Variants in ARHGAP18 observed in about 807,000 individuals in gnomAD.
ARHGAP18 encodes the protein rho GTPase-activating protein 18.
ARHGAP18 carries 67 observed loss-of-function variants against 86.2 expected under a neutral mutation model. The observed-to-expected ratio is 0.78, with a 90% CI of 0.64 to 0.95. The LOEUF is 0.95. ARHGAP18 is among the 40% of genes least tolerant of loss of function. The probability of loss-of-function intolerance (pLI) is 0.00; values close to 1 mark genes in which losing one functional copy is unlikely to be tolerated. For missense variants in ARHGAP18, 691 were observed against 780.4 expected (o/e 0.89, Z 1.37); for synonymous variants, 283 against 280.4 (o/e 1.01, Z -0.09).
chr6:129,643,290 G>T (rs1773507551), intron 1 of ARHGAP18, among the ~76,000 whole-genome samples: 1 of 152,080 alleles, frequency 6.6e-6, no homozygotes, highest in Non-Finnish European at 1.5e-5. Flanking sequence ...GTCCTGGGGG[G>T]ACCCAACAGG....
At chr6:129,697,916 C>A (rs1003624481) in intron 1 of ARHGAP18, among the ~76,000 whole-genome samples, 2 of 152,190 alleles carry the variant, frequency 1.3e-5, no homozygotes, top group Non-Finnish European at 2.9e-5. Context: ...CACTTAGTAA[C>A]CTTAGTAAAA....
In ARHGAP18 at chr6:129,616,268, A is replaced by T; in HGVS notation, c.988T>A (p.Leu330Ile). ...GGTACTTTCCTCTGATCTTGTTCTA[A>T]TAGCGCTGTCAATGGAACGCAAAAA... ...GLFCVPLTAL[L>I]EQDQRKVPGM... is the part of the protein sequence containing the mutation. The change falls in exon 7 of 15, where the codon TTA (leucine) becomes ATA (isoleucine). Residue 330 changes from leucine (L) to isoleucine (I), a missense_variant. Physicochemically the swap from Leu to Ile is conservative, Grantham distance 5 (BLOSUM62 2). Coordinates refer to ENST00000368149, the MANE Select transcript of ARHGAP18 (RefSeq NM_033515.3). The T allele has an allele frequency of 6.2e-7, 1 of 1,611,188 alleles. No homozygotes were observed. The highest frequency in any genetic ancestry group is 1.1e-5 in the South Asian group (1 of 90,294).
intron 13 of ARHGAP18, among the ~76,000 whole-genome samples, chr6:129,582,110 C>T (rs554684882): frequency 3.1e-4 from 47 of 150,742 alleles, no homozygotes; most frequent in Admixed American, 9.9e-4. Context: ...GAGAAGTTTA[C>T]CAGACTTCCA....
chr6:129,592,057 C>A (rs1322855157), intron 12 of ARHGAP18, among the ~76,000 whole-genome samples: 2 of 151,964 alleles, frequency 1.3e-5, no homozygotes, highest in African/African-American at 4.8e-5. Context: ...AAATAACTTC[C>A]ATAGTTAATA....
intron 1 of ARHGAP18, among the ~76,000 whole-genome samples, chr6:129,705,430 A>G (rs933461166): frequency 2.0e-5 from 3 of 152,180 alleles, no homozygotes; most frequent in African/African-American, 4.8e-5. Context: ...GCAGACCTCA[A>G]TGCCCATCAA....
At chr6:129,697,529 A>G (rs1302164052) in intron 1 of ARHGAP18, among the ~76,000 whole-genome samples, 1 of 152,002 alleles carries the variant, frequency 6.6e-6, no homozygotes, top group Non-Finnish European at 1.5e-5. Flanking sequence ...TGCAATTTCT[A>G]GTCATCCACT....
chr6:129,628,864 G>A lies in ARHGAP18; in HGVS notation c.786+489C>T, dbSNP rs142840594. On this transcript the variant is annotated intron_variant, in intron 5 of 14. Transcript: ENST00000368149. ...TATAAAGAACAATATTGTGACAATC[G>A]GGGAAGTTTTGATATGACTGTATAT... Among the ~76,000 whole-genome samples the A allele has an allele frequency of 2.5e-4, 38 of 152,116 alleles. 1 individual carries two copies. The East Asian group carries it at 4.1e-3, about 16-fold the overall frequency.
At chr6:129,644,657 C>T (rs1447718781) in intron 1 of ARHGAP18, among the ~76,000 whole-genome samples, 1 of 152,156 alleles carries the variant, frequency 6.6e-6, no homozygotes, top group Non-Finnish European at 1.5e-5. Context: ...ATGACTAACG[C>T]CAAATAATTG....
At chr6:129,614,585 C>T (rs1384788412) in intron 7 of ARHGAP18, among the ~76,000 whole-genome samples, 3 of 151,930 alleles carry the variant, frequency 2.0e-5, no homozygotes, top group African/African-American at 7.3e-5. Flanking sequence ...TCTTAATAGA[C>T]TGGATGCAAT....
intron 1 of ARHGAP18, among the ~76,000 whole-genome samples, chr6:129,704,135 A>C (rs994417870): frequency 2.6e-5 from 4 of 152,132 alleles, no homozygotes; most frequent in Non-Finnish European, 5.9e-5. Flanking sequence ...GTTTATCTCA[A>C]AAAGATATTT....
intron 1 of ARHGAP18, among the ~76,000 whole-genome samples, chr6:129,673,990 T>C (rs1337647601): frequency 6.6e-6 from 1 of 152,084 alleles, no homozygotes; most frequent in Non-Finnish European, 1.5e-5. Flanking sequence ...CTCCTCCTCT[T>C]TGAAAAAGAT....
At chr6:129,649,657 T>C (rs1773662577) in intron 1 of ARHGAP18, among the ~76,000 whole-genome samples, 1 of 151,638 alleles carries the variant, frequency 6.6e-6, no homozygotes, top group Admixed American at 6.6e-5. Flanking sequence ...CTACTCACTT[T>C]TGACAGTGGG....
chr6:129,667,473 G>GTA (rs1444648215), intron 1 of ARHGAP18, among the ~76,000 whole-genome samples: 2 of 98,016 alleles, frequency 2.0e-5, no homozygotes, highest in African/African-American at 8.3e-5. Context: ...ATATATATGT[G>GTA]TGTGTGTGTG....
At chr6:129,587,438 G>A (rs1391210770) in intron 12 of ARHGAP18, among the ~76,000 whole-genome samples, 1 of 152,170 alleles carries the variant, frequency 6.6e-6, no homozygotes, top group Admixed American at 6.5e-5. Flanking sequence ...ATCTCATGAA[G>A]AGCTGAATGT....
intron 3 of ARHGAP18, among the ~76,000 whole-genome samples, chr6:129,638,047 C>T (rs1312368407): frequency 6.6e-6 from 1 of 151,998 alleles, no homozygotes. Context: ...GGAAGAATAC[C>T]CTAATCCTAC....
chr6:129,703,714 A>G (rs1774754996), intron 1 of ARHGAP18, among the ~76,000 whole-genome samples: 1 of 152,246 alleles, frequency 6.6e-6, no homozygotes, highest in Non-Finnish European at 1.5e-5. Flanking sequence ...TAATAATTCA[A>G]GAAGAAACTA....
At position 129,634,122 on chromosome 6, in the gene ARHGAP18, G is replaced by T. The variant is rs1259678690; in HGVS notation, c.553-17C>A. The T allele has an allele frequency of 2.5e-6, 4 of 1,611,106 alleles. No homozygotes were observed. Among genetic ancestry groups the T allele is most frequent in the Non-Finnish European group, 3.4e-6 (4 of 1,178,756 alleles). On this transcript the variant is annotated splice_polypyrimidine_tract_variant and intron_variant, in intron 3 of 14. Transcript: ENST00000368149. ...ACCTGGAGCCTAAACATAGAAAACA[G>T]GCCATTTAGTCATCTCCAACTCAAA...
At chr6:129,610,808 T>TA (rs1312238839) in intron 8 of ARHGAP18, among the ~76,000 whole-genome samples, 1 of 152,186 alleles carries the variant, frequency 6.6e-6, no homozygotes, top group East Asian at 1.9e-4. Flanking sequence ...TTTGTATTTT[T>TA]AGTAGAGACA....
At chr6:129,634,160 G>A (rs1485525965) in intron 3 of ARHGAP18, 55 bp from the exon 4 acceptor site, 2 of 1,474,772 alleles carry the variant, frequency 1.4e-6, no homozygotes, top group Non-Finnish European at 1.9e-6. Flanking sequence ...CAGAGAAAAT[G>A]GTACTGTAAA....
Sources: allele counts gnomAD v4.1 joint callset (sites outside exome capture counted in the v4.1 genomes callset), GRCh38; gene constraint gnomAD v4.1.1; transcripts MANE v1.5; gene names NCBI Gene and HGNC (gene_info 2026-07-23, HGNC 2026-07-21).